JARID2: variants seen among roughly 807,000 people sequenced by gnomAD.
JARID2 encodes protein Jumonji.
Under a neutral mutation model 125.6 loss-of-function variants are expected in JARID2, and 21 were observed. That is an observed-to-expected ratio of 0.17 (90% CI 0.12 to 0.24). The LOEUF (loss-of-function observed/expected upper bound fraction) is 0.24. JARID2 is among the 10% of genes least tolerant of loss of function. The probability of loss-of-function intolerance (pLI) is 1.00; values close to 1 mark genes in which losing one functional copy is unlikely to be tolerated. For missense variants in JARID2, 1,303 were observed against 1,639.6 expected, an observed-to-expected ratio of 0.79 and a Z score of 3.55; for synonymous variants, 736 against 661.6, an observed-to-expected ratio of 1.11 and a Z score of -1.73.
chr6:15,461,185 G>A (rs373955803), intron 4 of JARID2, among the ~76,000 whole-genome samples: 3 of 152,188 alleles, frequency 2.0e-5, no homozygotes, highest in East Asian at 1.9e-4. Context: ...TAAATTGCCA[G>A]TGCAGACAAC....
At chr6:15,420,861 T>C (rs913170719) in intron 3 of JARID2, among the ~76,000 whole-genome samples, 1 of 152,248 alleles carries the variant, frequency 6.6e-6, no homozygotes, top group Non-Finnish European at 1.5e-5. Context: ...GGATTATGTT[T>C]ACCATGTAGG....
chr6:15,362,918 A>T (rs1763851682), intron 1 of JARID2, among the ~76,000 whole-genome samples: 1 of 152,216 alleles, frequency 6.6e-6, no homozygotes, highest in Non-Finnish European at 1.5e-5. Context: ...TGAGAAAAAA[A>T]GTGCCAAGTC....
At chr6:15,254,150 C>T (rs1260851907) in intron 1 of JARID2, among the ~76,000 whole-genome samples, 2 of 152,190 alleles carry the variant, frequency 1.3e-5, no homozygotes, top group Non-Finnish European at 2.9e-5. Flanking sequence ...GAGCTACCCC[C>T]TTATACCCAG....
At position 15,507,429 on chromosome 6, in the gene JARID2, G is replaced by A. The variant is rs534479761; in HGVS notation, c.2731+13G>A. The A allele has an allele frequency of 1.9e-6, 3 of 1,611,876 alleles. No individual in the cohort carries two copies. Among genetic ancestry groups the A allele is most frequent in the East Asian group, 2.2e-5 (1 of 44,866 alleles). On this transcript the variant is annotated intron_variant, in intron 11 of 17. Transcript: ENST00000341776. The stretch of plus-strand genomic sequence containing the variant: ...GGTGCTGTGCCTGGTAAGCCTGACT[G>A]TGGCCGCCTGCCTGTGGCAGCTGTG...
At chr6:15,362,030 G>A (rs887714176) in intron 1 of JARID2, among the ~76,000 whole-genome samples, 1 of 151,638 alleles carries the variant, frequency 6.6e-6, no homozygotes, top group African/African-American at 2.4e-5. Context: ...AGAGTAGGTG[G>A]GACTACACAT....
intron 1 of JARID2, among the ~76,000 whole-genome samples, chr6:15,278,863 G>A (rs765428393): frequency 6.6e-6 from 1 of 152,144 alleles, no homozygotes; most frequent in Non-Finnish European, 1.5e-5. Flanking sequence ...GAGGTCAGGC[G>A]TTCGAGATTA....
intron 3 of JARID2, among the ~76,000 whole-genome samples, chr6:15,415,420 CGGGGCGGCTGGCCGGGCGG>C (rs1561847060): frequency 6.6e-6 from 1 of 151,242 alleles, no homozygotes; most frequent in African/African-American, 2.4e-5. Context: ...ACCTCCCAGA[CGGGGCGGCTGGCCGGGCGG>C]GGGGCTGACA....
chr6:15,285,213 C>T (rs1247994673), intron 1 of JARID2, among the ~76,000 whole-genome samples: 2 of 148,208 alleles, frequency 1.3e-5, no homozygotes, highest in Admixed American at 1.4e-4. Flanking sequence ...GGGGTTCAAG[C>T]GATTCTCTTG....
At chr6:15,350,114 T>C (rs1763373918) in intron 1 of JARID2, among the ~76,000 whole-genome samples, 2 of 152,162 alleles carry the variant, frequency 1.3e-5, no homozygotes, top group Admixed American at 6.5e-5. Flanking sequence ...GCATCTGTTT[T>C]AACACGCGGC....
intron 5 of JARID2, among the ~76,000 whole-genome samples, chr6:15,479,813 G>GT (rs2127702648): frequency 6.6e-6 from 1 of 152,328 alleles, no homozygotes; most frequent in South Asian, 2.1e-4. Flanking sequence ...GCTTTCCCTA[G>GT]TTTTACACGT....
chr6:15,300,718 T>TGAGAGAGA (rs1369406317), intron 1 of JARID2, among the ~76,000 whole-genome samples: 16 of 140,514 alleles, frequency 1.1e-4, no homozygotes, highest in Non-Finnish European at 1.7e-4. Flanking sequence ...TGTGTGTGTG[T>TGAGAGAGA]GTGTGAGAGA....
chr6:15,351,250 GGGTC>G (rs1199115298), intron 1 of JARID2, among the ~76,000 whole-genome samples: 1 of 152,146 alleles, frequency 6.6e-6, no homozygotes, highest in Non-Finnish European at 1.5e-5. Flanking sequence ...TGCTCTAATA[GGGTC>G]TGGTAAAAAC....
intron 1 of JARID2, among the ~76,000 whole-genome samples, chr6:15,329,469 C>G (rs1389373993): frequency 6.6e-6 from 1 of 152,178 alleles, no homozygotes; most frequent in Non-Finnish European, 1.5e-5. Flanking sequence ...CTGTTTGACT[C>G]AGGGCAAGCT....
chr6:15,451,917 C>T, intron 3 of JARID2, 89 bp from the exon 4 acceptor site: 3 of 1,262,414 alleles, frequency 2.4e-6, no homozygotes, highest in East Asian at 2.5e-5. Context: ...TCTTTTTTCC[C>T]CTTATGTGTC....
intron 1 of JARID2, among the ~76,000 whole-genome samples, chr6:15,347,869 A>T (rs1405891044): frequency 6.6e-6 from 1 of 152,068 alleles, no homozygotes; most frequent in African/African-American, 2.4e-5. Context: ...CTGCCACCTC[A>T]GCCTTGCAAA....
chr6:15,249,976 T>A (rs1178384782), intron 1 of JARID2, among the ~76,000 whole-genome samples: 1 of 152,232 alleles, frequency 6.6e-6, no homozygotes, highest in African/African-American at 2.4e-5. Flanking sequence ...ATCATTCCAC[T>A]GCCTGGTTAT....
At chr6:15,298,022 A>G (rs1761475734) in intron 1 of JARID2, among the ~76,000 whole-genome samples, 1 of 152,204 alleles carries the variant, frequency 6.6e-6, no homozygotes, top group African/African-American at 2.4e-5. Flanking sequence ...CAGGTTTAAA[A>G]TGTAGTATGT....
At chr6:15,416,655 C>T (rs1192525797) in intron 3 of JARID2, among the ~76,000 whole-genome samples, 1 of 142,346 alleles carries the variant, frequency 7.0e-6, no homozygotes, top group Admixed American at 7.6e-5. Flanking sequence ...CCAGCTTCGG[C>T]TTGGCATCAG....
chr6:15,458,337 C>T (rs1220725193), intron 4 of JARID2, among the ~76,000 whole-genome samples: 2 of 152,204 alleles, frequency 1.3e-5, no homozygotes, highest in East Asian at 3.9e-4. Flanking sequence ...GCATGCAAAC[C>T]TACATACACA....
Sources: allele counts gnomAD v4.1 joint callset (sites outside exome capture counted in the v4.1 genomes callset), GRCh38; gene constraint gnomAD v4.1.1; transcripts MANE v1.5; gene names NCBI Gene and HGNC (gene_info 2026-07-23, HGNC 2026-07-21).